The following PDIA6 variants were observed in gnomAD, a reference collection of about 807,000 sequenced individuals.
PDIA6 encodes the protein protein disulfide-isomerase A6.
Under a neutral mutation model 58.4 loss-of-function variants are expected in PDIA6, and 29 were observed. The observed-to-expected ratio is 0.50, with a 90% CI of 0.37 to 0.68. The LOEUF (loss-of-function observed/expected upper bound fraction) is 0.68. Among genes scored for constraint, PDIA6 ranks in the 30% least tolerant of loss-of-function variants. PDIA6 has a pLI of 0.00. For synonymous variants in PDIA6, 192 were observed against 202.6 expected (o/e 0.95, Z 0.44); for missense variants, 480 against 551.0 (o/e 0.87, Z 1.29).
intron 1 of PDIA6, among the ~76,000 whole-genome samples, chr2:10,829,276 A>G (rs921613473): frequency 2.0e-5 from 3 of 152,136 alleles, no homozygotes; most frequent in African/African-American, 7.2e-5. Context: ...ATCCTGGCTC[A>G]TGGACACCTC....
At chr2:10,813,125 C>G (rs1046257648), upstream of PDIA6, among the ~76,000 whole-genome samples, 5 of 152,160 alleles carry the variant, frequency 3.3e-5, no homozygotes, top group African/African-American at 1.2e-4. Context: ...TCCTCCTTGC[C>G]TGTGTGCGCC....
At chr2:10,834,921 C>G (rs999757502), upstream of PDIA6, among the ~76,000 whole-genome samples, 4 of 151,994 alleles carry the variant, frequency 2.6e-5, no homozygotes, top group Non-Finnish European at 4.4e-5. Flanking sequence ...CACGCACCAC[C>G]ATGTCCGGCT....
At position 10,788,828 on chromosome 2, in the gene PDIA6, C is replaced by A. The variant is rs1665902212; in HGVS notation, c.926-59G>T. On this transcript the variant is annotated intron_variant, in intron 9 of 12. Transcript: ENST00000272227. Reference sequence around the variant, plus strand: ...AGATAAAGGAGTCCATAAAATTAATCCATTTAGAAAGTATTCTCAGAGCAT... The same window carrying A: ...AGATAAAGGAGTCCATAAAATTAATACATTTAGAAAGTATTCTCAGAGCAT... 6 of 1,558,970 alleles carry A rather than the reference C, an allele frequency of 3.8e-6. No homozygotes were observed. The South Asian group carries it at 5.6e-5, about 14-fold the overall frequency.
At chr2:10,833,521 C>T (rs1667759247), upstream of PDIA6, among the ~76,000 whole-genome samples, 1 of 152,178 alleles carries the variant, frequency 6.6e-6, no homozygotes, top group Admixed American at 6.5e-5. Flanking sequence ...AAACCCACAG[C>T]GGGCTCATTC....
At chr2:10,801,477 C>T (rs760317566) in intron 2 of PDIA6, among the ~76,000 whole-genome samples, 7 of 152,170 alleles carry the variant, frequency 4.6e-5, no homozygotes, top group Non-Finnish European at 8.8e-5. Flanking sequence ...GTAAAAACCA[C>T]ATACAGAGAC....
chr2:10,818,317 A>G (rs1667264061), intron 2 of PDIA6, among the ~76,000 whole-genome samples: 2 of 150,806 alleles, frequency 1.3e-5, no homozygotes, highest in South Asian at 4.2e-4. Flanking sequence ...GAAAGCCACA[A>G]CACACCTGAC....
upstream of PDIA6, chr2:10,812,809 G>A (rs979471335): frequency 7.5e-6 from 9 of 1,194,392 alleles, no homozygotes; most frequent in Non-Finnish European, 8.3e-6. Context: ...CCGGTGGTCC[G>A]AGGGGCGGCC....
rs1362415992 is a variant in PDIA6 at position 10,812,690 on chromosome 2, G to A, written c.7C>T (p.Leu3Phe). 2.6e-6 allele frequency: 4 copies of A among 1,531,744 alleles called. No homozygotes were observed. The highest frequency in any genetic ancestry group is 1.4e-5 in the African/African-American group (1 of 69,862). 94.9% of individuals were successfully genotyped at this position (1,531,744 alleles called of 1,614,324 possible). The change falls in exon 1 of 13, where the codon CTC (leucine) becomes TTC (phenylalanine). Residue 3 changes from leucine to phenylalanine, a missense_variant. Transcript: ENST00000272227. ...GGCCCGCACCTACCGAGCACCAGGA[G>A]AGCCATGCCGAGCGCCGGGCTACGT... is the stretch of plus-strand genomic sequence containing the variant. MA[L>F]LVLGLVSCTF...
At chr2:10,819,671 T>A (rs1242443195) in intron 1 of PDIA6, among the ~76,000 whole-genome samples, 1 of 152,256 alleles carries the variant, frequency 6.6e-6, no homozygotes, top group Non-Finnish European at 1.5e-5. Flanking sequence ...CACATTTGTC[T>A]TAACTTCATC....
chr2:10,795,547 T>C (rs1437275152), intron 4 of PDIA6, among the ~76,000 whole-genome samples: 2 of 152,184 alleles, frequency 1.3e-5, no homozygotes, highest in South Asian at 2.1e-4. Context: ...ACGACACATA[T>C]TTGCCAAGTA....
chr2:10,820,063 G>T (rs1227998320), intron 1 of PDIA6, among the ~76,000 whole-genome samples: 3 of 152,198 alleles, frequency 2.0e-5, no homozygotes, highest in Non-Finnish European at 4.4e-5. Context: ...GGTGTTCTTG[G>T]CATAGTGAAG....
At position 10,803,886 on chromosome 2, in the gene PDIA6, T is replaced by G. The variant is rs530248093; in HGVS notation, c.20-1246A>C. Reference sequence around the variant, plus strand: ...GACCCTGAGTAGACCTAGGCTAATGTGCGTGTTTGTGTCCTAGTTTTTGTG... The same window carrying G: ...GACCCTGAGTAGACCTAGGCTAATGGGCGTGTTTGTGTCCTAGTTTTTGTG... On this transcript the variant is annotated intron_variant, in intron 1 of 12. Transcript: ENST00000272227. Among the ~76,000 whole-genome samples, 6 of 151,050 alleles carry G rather than the reference T, an allele frequency of 4.0e-5. No homozygotes were observed. The East Asian group carries it at 1.2e-3, about 29-fold the overall frequency.
intron 1 of PDIA6, among the ~76,000 whole-genome samples, chr2:10,806,383 AG>A (rs1468736815): frequency 8.1e-5 from 12 of 148,596 alleles, no homozygotes; most frequent in African/African-American, 2.5e-4. Flanking sequence ...AAAAAAAAAA[AG>A]AGAGAAAATA....
chr2:10,831,862 A>G (rs1207802413), intron 1 of PDIA6, among the ~76,000 whole-genome samples: 1 of 151,678 alleles, frequency 6.6e-6, no homozygotes, highest in Non-Finnish European at 1.5e-5. Context: ...ATGGGGTGTG[A>G]ATGTCCTCTC....
At chr2:10,836,776 C>A (rs980214453), upstream of PDIA6, among the ~76,000 whole-genome samples, 21 of 151,998 alleles carry the variant, frequency 1.4e-4, no homozygotes, top group Admixed American at 1.2e-3. Context: ...TTCATTGCCG[C>A]TTGTGTTCTA....
At chr2:10,814,084 C>T (rs1267809263), upstream of PDIA6, among the ~76,000 whole-genome samples, 1 of 152,190 alleles carries the variant, frequency 6.6e-6, no homozygotes, top group African/African-American at 2.4e-5. Context: ...CTTGATTCTC[C>T]CTCCTATGTT....
intron 2 of PDIA6, among the ~76,000 whole-genome samples, chr2:10,818,222 G>T (rs1404733822): frequency 2.6e-5 from 4 of 151,484 alleles, no homozygotes; most frequent in Non-Finnish European, 5.9e-5. Flanking sequence ...GAGTACAGTG[G>T]TGTGATCATA....
intron 2 of PDIA6, among the ~76,000 whole-genome samples, chr2:10,802,119 C>T (rs1003164612): frequency 2.0e-5 from 3 of 152,052 alleles, no homozygotes; most frequent in Non-Finnish European, 4.4e-5. Context: ...ACATTTTTAC[C>T]CCACAAGGGT....
intron 1 of PDIA6, among the ~76,000 whole-genome samples, chr2:10,803,189 C>T (rs1666586718): frequency 6.6e-6 from 1 of 152,212 alleles, no homozygotes; most frequent in Non-Finnish European, 1.5e-5. Flanking sequence ...CGGAGTTTCG[C>T]TCTTGTTGCC....
Sources: allele counts gnomAD v4.1 joint callset (sites outside exome capture counted in the v4.1 genomes callset), GRCh38; gene constraint gnomAD v4.1.1; transcripts MANE v1.5; gene names NCBI Gene and HGNC (gene_info 2026-07-23, HGNC 2026-07-21).